The following ZNF251 variants were observed in gnomAD, a reference collection of about 807,000 sequenced individuals.
ZNF251 encodes the protein zinc finger protein 251.
In ZNF251, 14 loss-of-function variants were observed where a neutral mutation model predicts 13.5. The ratio of observed to expected loss-of-function variants is 1.04; its 90% CI spans 0.69 to 1.63. ZNF251 has a LOEUF of 1.63. Ranked by LOEUF, ZNF251 falls within the 40% of genes most tolerant of loss-of-function variation. The pLI is 0.00. For synonymous variants in ZNF251, 287 were observed against 295.2 expected (o/e 0.97, Z 0.28); for missense variants, 764 against 834.9 (o/e 0.92, Z 1.05).
chr8:144,732,549 A>G (rs1230982596), intron 4 of ZNF251, among the ~76,000 whole-genome samples: 4 of 152,196 alleles, frequency 2.6e-5, no homozygotes, highest in South Asian at 2.1e-4. Context: ...GCGGTGGCTC[A>G]CGCCTGTAAT....
At position 144,720,972 on chromosome 8, in the gene ZNF251, A is replaced by AT. The variant is rs1823359196; in HGVS notation, c.*671dup. On this transcript the variant is annotated 3_prime_UTR_variant, in exon 5 of 5. Coordinates refer to ENST00000292562, the MANE Select transcript of ZNF251 (RefSeq NM_138367.2). Reference sequence around the variant, plus strand: ...GCTTCAATAAACCTGCCTTTAAAAAATTTTTTATCAGTAATTACAATTTTC... The same window carrying AT: ...GCTTCAATAAACCTGCCTTTAAAAAATTTTTTTATCAGTAATTACAATTTTC... 1 of 152,196 alleles carries AT rather than the reference A, an allele frequency of 6.6e-6. No homozygotes were observed. Among genetic ancestry groups the AT allele is most frequent in the African/African-American group, 2.4e-5 (1 of 41,432 alleles). 9.4% of individuals were successfully genotyped at this position (152,196 alleles called of 1,614,324 possible). A position where few individuals can be genotyped will look rare whatever the true frequency, so the allele number is the denominator to read the frequency against.
At chr8:144,725,214 C>T (rs148089130) in intron 4 of ZNF251, among the ~76,000 whole-genome samples, 237 of 152,334 alleles carry the variant, frequency 1.6e-3, no homozygotes, top group African/African-American at 5.3e-3. Context: ...GGGGTTTCAC[C>T]GTGTTGCCTA....
rs775479271 is a variant in ZNF251, at chr8:144,722,882, T to G, written c.778A>C (p.Thr260Pro). The change falls in exon 5 of 5, where the codon ACT (threonine) becomes CCT (proline). Residue 260 changes from threonine (T) to proline (P), a missense_variant. Physicochemically the swap from Thr to Pro is conservative, Grantham distance 38 (BLOSUM62 -1). Coordinates refer to ENST00000292562, the MANE Select transcript of ZNF251 (RefSeq NM_138367.2). This position sits in a 1 kb window ranked among gnomAD's most constrained non-coding sequence, Gnocchi z 4.8. ...TCACATTTAAATGGTTTATTTCCAG[T>G]GTGAATGTGATGGTGCAGAACAAGA... Reference protein sequence around the residue: ...SNLVLHHHIHTGNKPFKCDEC... With the variant: ...SNLVLHHHIHPGNKPFKCDEC... 21 of 1,613,890 alleles carry G rather than the reference T, an allele frequency of 1.3e-5. No homozygotes were observed. Among genetic ancestry groups the G allele is most frequent in the African/African-American group, 2.7e-5 (2 of 74,920 alleles).
intron 4 of ZNF251, among the ~76,000 whole-genome samples, chr8:144,749,821 A>G (rs1413211332): frequency 2.0e-5 from 3 of 149,678 alleles, no homozygotes; most frequent in Non-Finnish European, 3.0e-5. Context: ...CCTTTCGGTT[A>G]TGGTGTTTTT....
At chr8:144,753,487 G>A in intron 4 of ZNF251, 196 bp downstream of exon 4, 5 of 546,216 alleles carry the variant, frequency 9.2e-6, no homozygotes, top group Non-Finnish European at 1.6e-5. Context: ...TATTTTTAAA[G>A]CAAAGAAACA....
Position 144,723,414 on chromosome 8 carries a change from A to G in ZNF251, c.278-32T>C, listed in dbSNP as rs1427183845. 3 of 1,403,968 alleles carry G rather than the reference A, an allele frequency of 2.1e-6. No homozygotes were observed. The East Asian group carries it at 7.4e-5, about 35-fold the overall frequency. 87.0% of individuals were successfully genotyped at this position (1,403,968 alleles called of 1,614,324 possible). On this transcript the variant is annotated intron_variant, in intron 4 of 4. Transcript: ENST00000292562. ...AAGAAAAATATAAATGAGTTACTAG[A>G]GAAAACCTTCCATCAGGCATAATGT...
intron 4 of ZNF251, among the ~76,000 whole-genome samples, chr8:144,741,571 T>C (rs941489877): frequency 1.8e-4 from 27 of 152,106 alleles, no homozygotes; most frequent in Admixed American, 1.6e-3. Flanking sequence ...CAGACAAGGA[T>C]TTAAAAACAG....
At chr8:144,725,266 C>T (rs767666892) in intron 4 of ZNF251, among the ~76,000 whole-genome samples, 5 of 152,250 alleles carry the variant, frequency 3.3e-5, no homozygotes, top group African/African-American at 7.2e-5. Context: ...CCGTCCGCCT[C>T]GGCCTCCCAA....
chr8:144,751,793 C>T (rs1291222581), intron 4 of ZNF251, among the ~76,000 whole-genome samples: 1 of 151,976 alleles, frequency 6.6e-6, no homozygotes, highest in African/African-American at 2.4e-5. Context: ...AGAAACAAGA[C>T]CCAATTGTAT....
intron 4 of ZNF251, among the ~76,000 whole-genome samples, chr8:144,731,576 T>C (rs1434392033): frequency 6.6e-6 from 1 of 152,220 alleles, no homozygotes; most frequent in Non-Finnish European, 1.5e-5. Context: ...TGCTTCTTTG[T>C]TATTTTATGT....
chr8:144,748,341 G>A (rs543689261), intron 4 of ZNF251, among the ~76,000 whole-genome samples: 85 of 152,186 alleles, frequency 5.6e-4, no homozygotes, highest in African/African-American at 1.9e-3. Context: ...CCCAGTGCTG[G>A]GATTACAGGT....
chr8:144,743,863 C>A (rs1824284595), intron 4 of ZNF251, among the ~76,000 whole-genome samples: 1 of 152,126 alleles, frequency 6.6e-6, no homozygotes, highest in Non-Finnish European at 1.5e-5. Flanking sequence ...CCATTCGGAG[C>A]CTATTCAGGC....
chr8:144,726,241 T>C, intron 4 of ZNF251, among the ~76,000 whole-genome samples: 1 of 140,988 alleles, frequency 7.1e-6, no homozygotes, highest in Non-Finnish European at 1.5e-5. Context: ...TAGTATAGTA[T>C]TAGAAAATCA....
In ZNF251 at chr8:144,723,269, C is replaced by A. The variant is rs570734146; in HGVS notation, c.391G>T (p.Ala131Ser). 19 of 1,612,420 alleles carry A rather than the reference C, an allele frequency of 1.2e-5. No homozygotes were observed. The African/African-American group carries it at 2.4e-4, about 20-fold the overall frequency. Residue 131 changes from alanine (A) to serine (S), a missense_variant, in exon 5 of 5, where the codon GCT becomes TCT. Transcript: ENST00000292562. ...RRLLRDNAQA[A>S]EFREAWGREG... Reference sequence around the variant, plus strand: ...CGGCCCCATGCTTCCCGAAACTCAGCGGCCTGTGCATTATCCCTTAAGAGT... The same window carrying A: ...CGGCCCCATGCTTCCCGAAACTCAGAGGCCTGTGCATTATCCCTTAAGAGT...
In ZNF251 at chr8:144,722,949, G is replaced by T. The variant is rs771339277; in HGVS notation, c.711C>A (p.Tyr237Ter). 8 of 1,613,798 alleles carry T rather than the reference G, an allele frequency of 5.0e-6. No homozygotes were observed. Among genetic ancestry groups the T allele is most frequent in the Non-Finnish European group, 6.8e-6 (8 of 1,179,844 alleles). ...HQRSHTGEKP[Y>*]ECGRCGRAFT... ...AGGCTCGCCCACACCGGCCACATTCGTACGGCTTCTCCCCAGTGTGACTTC... is the reference window on the plus strand; with the variant it reads ...AGGCTCGCCCACACCGGCCACATTCTTACGGCTTCTCCCCAGTGTGACTTC... Residue 237 changes from tyrosine (Y) to a stop codon, truncating the protein, a stop_gained, in exon 5 of 5, where the codon TAC (tyrosine) becomes TAA (stop). Transcript: ENST00000292562. LOFTEE classifies it low-confidence loss of function (END_TRUNC). This position sits in a 1 kb window ranked among gnomAD's most constrained non-coding sequence, Gnocchi z 4.8.
chr8:144,730,936 C>T (rs563008470), intron 4 of ZNF251, among the ~76,000 whole-genome samples: 6 of 152,204 alleles, frequency 3.9e-5, no homozygotes, highest in East Asian at 1.9e-4. Context: ...CAGTGACGGT[C>T]GTGGGAACCG....
chr8:144,748,244 T>C (rs1824521436), intron 4 of ZNF251, among the ~76,000 whole-genome samples: 4 of 151,850 alleles, frequency 2.6e-5, no homozygotes, highest in Admixed American at 2.6e-4. Flanking sequence ...TGGCTAATTT[T>C]TGTGTTTTTA....
chr8:144,733,516 A>G (rs1282218289), intron 4 of ZNF251, among the ~76,000 whole-genome samples: 1 of 152,184 alleles, frequency 6.6e-6, no homozygotes, highest in Non-Finnish European at 1.5e-5. Flanking sequence ...TGTGGGTCAG[A>G]GGCCACCGCT....
chr8:144,754,124 G>A (rs991018439), intron 3 of ZNF251, 68 bp downstream of exon 3: 1 of 1,554,928 alleles, frequency 6.4e-7, no homozygotes, highest in Non-Finnish European at 8.7e-7. Flanking sequence ...GATCCAAAGA[G>A]CCAAAGCAGC....
Sources: gnomAD v4.1 joint callset for allele counts (sites outside exome capture counted in the v4.1 genomes callset) on GRCh38, gnomAD v4.1.1 for gene constraint, Gnocchi (gnomAD v3.1) non-coding constraint, MANE v1.5 for transcripts, NCBI Gene and HGNC (gene_info 2026-07-23, HGNC 2026-07-21) for gene names.